EHD3: variants seen among roughly 807,000 people sequenced by gnomAD.
The protein encoded by EHD3 is EH domain containing 3.
In EHD3, 17 loss-of-function variants were observed where a neutral mutation model predicts 43.0. That is an observed-to-expected ratio of 0.40 (90% CI 0.27 to 0.59). The LOEUF (loss-of-function observed/expected upper bound fraction) is 0.59. Among genes scored for constraint, EHD3 ranks in the 20% least tolerant of loss-of-function variants. The pLI, the probability that EHD3 is intolerant of heterozygous loss-of-function variation, is 0.49. For missense variants in EHD3, 594 were observed against 705.6 expected (o/e 0.84, Z 1.79); for synonymous variants, 313 against 289.5 (o/e 1.08, Z -0.82).
chr2:31,251,807 C>T lies in EHD3; in HGVS notation c.502+2339C>T, dbSNP rs77410307. Among the ~76,000 whole-genome samples, 1,009 of 152,238 alleles carry T rather than the reference C, an allele frequency of 6.6e-3. 12 individuals carry two copies. The highest frequency in any genetic ancestry group is 0.021 in the African/African-American group (876 of 41,518). On this transcript the variant is annotated intron_variant, in intron 3 of 5. Transcript: ENST00000322054. ...TTAAGGGCCCTGTGGAGGGACAGCACGGGTGGTTTTTCTGTCTTGCTTTGG... is the reference window on the plus strand; with the variant it reads ...TTAAGGGCCCTGTGGAGGGACAGCATGGGTGGTTTTTCTGTCTTGCTTTGG...
chr2:31,252,156 T>C (rs1410845494), intron 3 of EHD3, among the ~76,000 whole-genome samples: 1 of 152,186 alleles, frequency 6.6e-6, no homozygotes, highest in African/African-American at 2.4e-5. Flanking sequence ...GGTCACATTT[T>C]CAGTGTCCCC....
intron 3 of EHD3, among the ~76,000 whole-genome samples, chr2:31,257,326 G>T (rs891019948): frequency 6.6e-6 from 1 of 152,232 alleles, no homozygotes; most frequent in Non-Finnish European, 1.5e-5. Context: ...CCTGGGAAGG[G>T]AAGGATGGAC....
At chr2:31,247,832 G>A (rs1301607743) in intron 2 of EHD3, among the ~76,000 whole-genome samples, 2 of 152,076 alleles carry the variant, frequency 1.3e-5, no homozygotes, top group Non-Finnish European at 2.9e-5. Context: ...CACCAACAGT[G>A]TAAAAAAAAG....
intron 5 of EHD3, among the ~76,000 whole-genome samples, chr2:31,262,549 G>C (rs370881020): frequency 1.4e-4 from 22 of 152,306 alleles, no homozygotes; most frequent in African/African-American, 5.3e-4. Flanking sequence ...CATTAGGTGG[G>C]CAGAGGGAGG....
At chr2:31,237,488 T>G (rs542975773) in intron 1 of EHD3, among the ~76,000 whole-genome samples, 4 of 152,282 alleles carry the variant, frequency 2.6e-5, no homozygotes, top group Admixed American at 2.6e-4. Context: ...CAGTGCAACC[T>G]CCGCCTCCTG....
rs1553402472 is a variant in EHD3 at position 31,243,460 on chromosome 2, C to CTTTCTT, written c.228-811_228-810insCTTTTT. The stretch of plus-strand genomic sequence containing the variant: ...TCTTTCTTTCTTTCTTTCTTTCTTT[C>CTTTCTT]TTTTTTTTTTTTTGAGACAGAGTTT... On this transcript the variant is annotated intron_variant, in intron 1 of 5. Transcript: ENST00000322054. Among the ~76,000 whole-genome samples the CTTTCTT allele has an allele frequency of 1.4e-3, 134 of 98,422 alleles. 1 individual carries two copies. The highest frequency in any genetic ancestry group is 3.4e-3 in the African/African-American group (74 of 21,800). The allele number at this position is 98,422 out of a possible 152,430, so 64.6% of individuals were successfully genotyped here.
intron 5 of EHD3, among the ~76,000 whole-genome samples, chr2:31,265,835 A>G (rs1175497498): frequency 1.3e-5 from 2 of 152,192 alleles, no homozygotes; most frequent in East Asian, 3.8e-4. Context: ...AAACTGACTT[A>G]AAGAGAAATG....
chr2:31,240,788 G>A (rs1188409572), intron 1 of EHD3, among the ~76,000 whole-genome samples: 1 of 152,192 alleles, frequency 6.6e-6, no homozygotes, highest in Non-Finnish European at 1.5e-5. Context: ...TTTTGAGGCT[G>A]CCTCAGAATG....
chr2:31,243,744 G>A (rs1429536947), intron 1 of EHD3, among the ~76,000 whole-genome samples: 2 of 151,912 alleles, frequency 1.3e-5, no homozygotes, highest in Non-Finnish European at 2.9e-5. Flanking sequence ...GTGAGCCACC[G>A]CGCCTGGCCA....
intron 5 of EHD3, among the ~76,000 whole-genome samples, chr2:31,264,883 A>G (rs1683917207): frequency 6.6e-6 from 1 of 152,190 alleles, no homozygotes; most frequent in South Asian, 2.1e-4. Context: ...TGTACATTGT[A>G]TATCTATACA....
intron 1 of EHD3, among the ~76,000 whole-genome samples, chr2:31,243,812 G>A (rs1391236703): frequency 6.6e-6 from 1 of 152,112 alleles, no homozygotes; most frequent in Admixed American, 6.6e-5. Flanking sequence ...TCATATATGA[G>A]CTATTTTTAT....
rs1164831974 is a variant in EHD3, at chr2:31,266,634, A to C, written c.1538A>C (p.Glu513Ala). Residue 513 changes from glutamate (E) to alanine (A), a missense_variant, in exon 6 of 6, where the codon GAG (glutamate) becomes GCG (alanine). Coordinates refer to ENST00000322054, the MANE Select transcript of EHD3 (RefSeq NM_014600.3). This position sits in a 1 kb window ranked among gnomAD's most constrained non-coding sequence, Gnocchi z 5.1. ...AACCACCTCATCAAAGTCAAGCTGGAGGGGCACGAGCTGCCCAACGAGCTG... is the reference window on the plus strand; with the variant it reads ...AACCACCTCATCAAAGTCAAGCTGGCGGGGCACGAGCTGCCCAACGAGCTG... The part of the protein sequence containing the change: ...LANHLIKVKL[E>A]GHELPNELPA... The C allele has an allele frequency of 3.7e-6, 6 of 1,613,820 alleles. No individual in the cohort carries two copies. The Admixed American group carries it at 8.3e-5, about 22-fold the overall frequency.
chr2:31,254,113 C>G (rs1308655967), intron 3 of EHD3, among the ~76,000 whole-genome samples: 1 of 152,194 alleles, frequency 6.6e-6, no homozygotes, highest in Non-Finnish European at 1.5e-5. Flanking sequence ...AAGGCCAGAG[C>G]AGGTTGAAAA....
intron 2 of EHD3, among the ~76,000 whole-genome samples, chr2:31,247,990 G>A (rs2148718523): frequency 6.6e-6 from 1 of 152,364 alleles, no homozygotes; most frequent in South Asian, 2.1e-4. Context: ...AGCCGCTGAA[G>A]TAGTGGATGT....
At chr2:31,245,030 C>A (rs554045948) in intron 2 of EHD3, among the ~76,000 whole-genome samples, 1 of 152,324 alleles carries the variant, frequency 6.6e-6, no homozygotes, top group East Asian at 1.9e-4. Context: ...GCTTGGCAAA[C>A]TAATCTGGGC....
chr2:31,234,395 C>G lies in EHD3; in HGVS notation c.-227C>G, dbSNP rs972773249. ...CAAGCCCAGATTATTTATCCTCCCT[C>G]CGGCCTGGGCTGCTGGATGCAGCAG... is the stretch of plus-strand genomic sequence containing the variant. On this transcript the variant is annotated 5_prime_UTR_variant, in exon 1 of 6. Transcript: ENST00000322054. The G allele has an allele frequency of 1.8e-6, 1 of 566,804 alleles. No individual in the cohort carries two copies. The highest frequency in any genetic ancestry group is 3.1e-6 in the Non-Finnish European group (1 of 318,280). The allele number at this position is 566,804 out of a possible 1,614,324, so 35.1% of individuals were successfully genotyped here.
At position 31,234,778 on chromosome 2, in the gene EHD3, G is replaced by A. The variant is rs1683292603; in HGVS notation, c.157G>A (p.Ala53Thr). Residue 53 changes from alanine to threonine, a missense_variant, in exon 1 of 6, where the codon GCC (alanine) becomes ACC (threonine). Ala to Thr is a moderately conservative substitution (Grantham distance 58). This residue lies in a region of EHD3 where 243 missense variants were observed against 296.7 expected (regional missense o/e 0.82). Coordinates refer to ENST00000322054, the MANE Select transcript of EHD3 (RefSeq NM_014600.3). ...GTTCCACTCGCCCGCCCTGGAGGAT[G>A]CCGACTTCGACAACAAGCCCATGGT... is the stretch of plus-strand genomic sequence containing the variant. The part of the protein sequence containing the change: ...HEFHSPALED[A>T]DFDNKPMVLL... The A allele has an allele frequency of 6.2e-7, 1 of 1,614,192 alleles. No individual in the cohort carries two copies. Among genetic ancestry groups the A allele is most frequent in the South Asian group, 1.1e-5 (1 of 91,090 alleles).
intron 2 of EHD3, among the ~76,000 whole-genome samples, chr2:31,247,987 G>A (rs1044941264): frequency 6.6e-6 from 1 of 152,228 alleles, no homozygotes; most frequent in Non-Finnish European, 1.5e-5. Context: ...CGCAGCCGCT[G>A]AAGTAGTGGA....
At position 31,267,855 on chromosome 2, in the gene EHD3, C is replaced by G. The variant is rs1683985709; in HGVS notation, c.*1151C>G. On this transcript the variant is annotated 3_prime_UTR_variant, in exon 6 of 6. Transcript: ENST00000322054. ...GGCCGGCCAGCATTTGGTGGCCCAT[C>G]AGTCTGGCCATCTGTCACGTCACAG... The G allele has an allele frequency of 6.6e-6, 1 of 152,268 alleles. No individual in the cohort carries two copies. The highest frequency in any genetic ancestry group is 2.4e-5 in the African/African-American group (1 of 41,458). 9.4% of individuals were successfully genotyped at this position (152,268 alleles called of 1,614,324 possible). A position where few individuals can be genotyped will look rare whatever the true frequency, so the allele number is the denominator to read the frequency against.
Sources: gnomAD v4.1 joint callset for allele counts (sites outside exome capture counted in the v4.1 genomes callset) on GRCh38, gnomAD v4.1.1 for gene constraint, gnomAD v4.1.1 regional missense constraint, Gnocchi (gnomAD v3.1) non-coding constraint, MANE v1.5 for transcripts, NCBI Gene and HGNC (gene_info 2026-07-23, HGNC 2026-07-21) for gene names.